The following DPYSL5 variants were observed in gnomAD, a reference collection of about 807,000 sequenced individuals.
The protein encoded by DPYSL5 is dihydropyrimidinase like 5.
A neutral mutation model predicts 58.4 loss-of-function variants in DPYSL5; 9 were observed. That is an observed-to-expected ratio of 0.15 (90% CI 0.09 to 0.27). The LOEUF is 0.27. Ranked by LOEUF, DPYSL5 falls within the 10% of genes least tolerant of loss-of-function variation. The pLI is 1.00. For missense variants in DPYSL5, 499 were observed against 770.6 expected (o/e 0.65, Z 4.17); for synonymous variants, 293 against 301.9 (o/e 0.97, Z 0.31).
intron 2 of DPYSL5, among the ~76,000 whole-genome samples, chr2:26,908,499 A>C (rs1664354570): frequency 6.6e-6 from 1 of 152,226 alleles, no homozygotes; most frequent in South Asian, 2.1e-4. Context: ...GTAGGCCAAA[A>C]TGTAGGCCAG....
At chr2:26,867,960 TCTC>T (rs1663144580) in intron 1 of DPYSL5, among the ~76,000 whole-genome samples, 1 of 152,150 alleles carries the variant, frequency 6.6e-6, no homozygotes, top group Non-Finnish European at 1.5e-5. Context: ...ATGTATGGAT[TCTC>T]CTCACCACCA....
intron 8 of DPYSL5, chr2:26,939,731 G>A (rs1340196311): frequency 6.2e-6 from 2 of 321,590 alleles, no homozygotes; most frequent in African/African-American, 4.2e-5. Context: ...TCTCACTTCA[G>A]CTAGACTCTA....
intron 5 of DPYSL5, among the ~76,000 whole-genome samples, chr2:26,931,255 A>G (rs1262725825): frequency 3.8e-5 from 5 of 131,670 alleles, no homozygotes. Flanking sequence ...AAATGCCAAT[A>G]GTACCATGCG....
chr2:26,918,285 C>T (rs1336251175), intron 2 of DPYSL5, among the ~76,000 whole-genome samples: 2 of 152,144 alleles, frequency 1.3e-5, no homozygotes, highest in East Asian at 3.9e-4. Context: ...TCCTGCGTGC[C>T]AGGCATGGTT....
intron 2 of DPYSL5, among the ~76,000 whole-genome samples, chr2:26,908,923 GTA>G (rs1372254936): frequency 2.6e-5 from 4 of 151,830 alleles, no homozygotes; most frequent in Non-Finnish European, 4.4e-5. Context: ...AATTAAGCTT[GTA>G]TCTTTTTTAA....
At chr2:26,879,141 A>G (rs943158753) in intron 1 of DPYSL5, among the ~76,000 whole-genome samples, 3 of 152,172 alleles carry the variant, frequency 2.0e-5, no homozygotes, top group Admixed American at 6.5e-5. Context: ...CAATCTGCTA[A>G]TAGTGTGGAG....
intron 1 of DPYSL5, among the ~76,000 whole-genome samples, chr2:26,891,695 C>T (rs905881280): frequency 1.3e-5 from 2 of 151,482 alleles, no homozygotes; most frequent in African/African-American, 4.8e-5. Flanking sequence ...TTTTTTTAGA[C>T]AGAGTCTCGC....
intron 11 of DPYSL5, among the ~76,000 whole-genome samples, chr2:26,943,379 T>C (rs1665375767): frequency 1.3e-5 from 2 of 152,214 alleles, no homozygotes; most frequent in African/African-American, 2.4e-5. Context: ...ATCGCAGGGC[T>C]AAATCCAAAA....
intron 12 of DPYSL5, among the ~76,000 whole-genome samples, chr2:26,945,304 C>CT (rs71401543): frequency 0.018 from 2,601 of 140,876 alleles, 48 homozygotes; most frequent in African/African-American, 0.044. Flanking sequence ...CCTTCACCTT[C>CT]TTTTTTTTTT....
intron 1 of DPYSL5, among the ~76,000 whole-genome samples, chr2:26,883,363 G>A (rs1055293462): frequency 3.9e-5 from 6 of 152,054 alleles, no homozygotes; most frequent in African/African-American, 1.4e-4. Flanking sequence ...TTATGTGAAT[G>A]GAATCATACC....
In DPYSL5 at chr2:26,925,875, G is replaced by C. The variant is rs528646964; in HGVS notation, c.420+830G>C. On this transcript the variant is annotated intron_variant, in intron 3 of 12. Transcript: ENST00000288699. This position sits in a 1 kb window ranked among gnomAD's most constrained non-coding sequence, Gnocchi z 4.5. ...TACCAGTACTTTGGTGGGTGCCCCA[G>C]AATCATAAAAATAATAAGCATTATT... Among the ~76,000 whole-genome samples the C allele has an allele frequency of 1.6e-3, 240 of 152,164 alleles. 1 individual carries two copies. The highest frequency in any genetic ancestry group is 5.0e-3 in the Admixed American group (76 of 15,270).
Position 26,924,261 on chromosome 2 carries a change from T to C in DPYSL5, c.262-626T>C, listed in dbSNP as rs1664772315. Among the ~76,000 whole-genome samples, 2 of 152,124 alleles carry C rather than the reference T, an allele frequency of 1.3e-5. No individual in the cohort carries two copies. Among genetic ancestry groups the C allele is most frequent in the African/African-American group, 4.8e-5 (2 of 41,424 alleles). On this transcript the variant is annotated intron_variant, in intron 2 of 12. Transcript: ENST00000288699. The surrounding 1 kb of genome is among the most constrained non-coding windows in gnomAD (Gnocchi z 4.7). ...TAAAAAATGCCTGTCTCAAACAAGA[T>C]AGATGAAAATGAAGCCCCTATGCTT...
chr2:26,901,330 G>A lies in DPYSL5; in HGVS notation c.261+2570G>A, dbSNP rs564101260. On this transcript the variant is annotated intron_variant, in intron 2 of 12. Coordinates refer to ENST00000288699, the MANE Select transcript of DPYSL5 (RefSeq NM_020134.4). ...ATTAAGCCTCTGTCGTGGTGGCCTCGTTCTACCTGGACTCCATTAGTAGAT... is the reference window on the plus strand; with the variant it reads ...ATTAAGCCTCTGTCGTGGTGGCCTCATTCTACCTGGACTCCATTAGTAGAT... Among the ~76,000 whole-genome samples the A allele has an allele frequency of 2.0e-5, 3 of 152,166 alleles. No homozygotes were observed. In the East Asian group the frequency reaches 5.8e-4, roughly 29 times the overall value.
chr2:26,941,698 C>T (rs777242880), intron 9 of DPYSL5, among the ~76,000 whole-genome samples: 5 of 152,186 alleles, frequency 3.3e-5, no homozygotes, highest in African/African-American at 9.7e-5. Flanking sequence ...GATTTGCCCC[C>T]GGGCAGGAAG....
chr2:26,940,834 C>T (rs1398184536), intron 9 of DPYSL5, among the ~76,000 whole-genome samples: 1 of 151,778 alleles, frequency 6.6e-6, no homozygotes, highest in Non-Finnish European at 1.5e-5. Flanking sequence ...ATGTTTGGGA[C>T]TTTCGGCTGT....
intron 2 of DPYSL5, among the ~76,000 whole-genome samples, chr2:26,921,466 G>A (rs559462479): frequency 1.3e-5 from 2 of 151,620 alleles, no homozygotes; most frequent in South Asian, 2.1e-4. Flanking sequence ...TGAAAGCCTC[G>A]GGAACACAAT....
At chr2:26,920,288 C>A (rs1664672485) in intron 2 of DPYSL5, among the ~76,000 whole-genome samples, 1 of 151,942 alleles carries the variant, frequency 6.6e-6, no homozygotes, top group South Asian at 2.1e-4. Context: ...CTGTATTTTA[C>A]TCTGTTTGAA....
chr2:26,848,985 C>A (rs1451942414), intron 1 of DPYSL5, among the ~76,000 whole-genome samples: 1 of 152,020 alleles, frequency 6.6e-6, no homozygotes, highest in Admixed American at 6.5e-5. Context: ...GGCCTGGGGA[C>A]GGGGCTGTAG....
intron 1 of DPYSL5, among the ~76,000 whole-genome samples, chr2:26,871,072 AG>A (rs1409659054): frequency 6.6e-6 from 1 of 152,242 alleles, no homozygotes; most frequent in Non-Finnish European, 1.5e-5. Flanking sequence ...AGGGGTCAGC[AG>A]ACCATGTTCA....
Sources: gnomAD v4.1 joint callset for allele counts (sites outside exome capture counted in the v4.1 genomes callset) on GRCh38, gnomAD v4.1.1 for gene constraint, Gnocchi (gnomAD v3.1) non-coding constraint, MANE v1.5 for transcripts, NCBI Gene and HGNC (gene_info 2026-07-23, HGNC 2026-07-21) for gene names.